CNTNAP2: variants seen among roughly 807,000 people sequenced by gnomAD.
CNTNAP2 encodes contactin-associated protein-like 2.
Under a neutral mutation model 155.2 loss-of-function variants are expected in CNTNAP2, and 98 were observed. The observed-to-expected ratio is 0.63, with a 90% CI of 0.54 to 0.75. The LOEUF (loss-of-function observed/expected upper bound fraction) is 0.75, where lower values mean the gene tolerates loss of function less well. CNTNAP2 is among the 30% of genes least tolerant of loss of function. CNTNAP2 has a pLI of 0.00. For synonymous variants in CNTNAP2, 651 were observed against 631.2 expected (o/e 1.03, Z -0.47); for missense variants, 1,727 against 1,688.1 (o/e 1.02, Z -0.40).
At chr7:146,179,863 T>TA (rs749127530) in intron 1 of CNTNAP2, among the ~76,000 whole-genome samples, 2 of 152,194 alleles carry the variant, frequency 1.3e-5, no homozygotes, top group Non-Finnish European at 2.9e-5. Flanking sequence ...GAAGAAGAGA[T>TA]AAAAAATATT....
chr7:147,727,585 C>A (rs1295248275), intron 13 of CNTNAP2, among the ~76,000 whole-genome samples: 1 of 151,890 alleles, frequency 6.6e-6, no homozygotes, highest in Non-Finnish European at 1.5e-5. Context: ...TATATCCCAT[C>A]ATATTTTATT....
intron 10 of CNTNAP2, among the ~76,000 whole-genome samples, chr7:147,416,814 C>T (rs937909331): frequency 1.3e-5 from 2 of 152,076 alleles, no homozygotes; most frequent in South Asian, 2.1e-4. Flanking sequence ...ATTTTAGAGG[C>T]CGTGTGCAGT....
chr7:146,476,079 G>A (rs1796873384), intron 1 of CNTNAP2, among the ~76,000 whole-genome samples: 1 of 152,174 alleles, frequency 6.6e-6, no homozygotes, highest in Non-Finnish European at 1.5e-5. Context: ...TCACTGAAAT[G>A]TGTTTCCCAT....
chr7:146,953,093 G>A (rs1797356061), intron 3 of CNTNAP2, among the ~76,000 whole-genome samples: 1 of 151,952 alleles, frequency 6.6e-6, no homozygotes. Flanking sequence ...TCTCAAGGCT[G>A]GTCTCAGCAA....
At chr7:148,365,493 C>T (rs750900224) in intron 21 of CNTNAP2, among the ~76,000 whole-genome samples, 7 of 151,966 alleles carry the variant, frequency 4.6e-5, no homozygotes, top group South Asian at 4.2e-4. Flanking sequence ...GATGAAACCG[C>T]GTCTCTACTA....
At chr7:146,442,944 C>A (rs1332179395) in intron 1 of CNTNAP2, among the ~76,000 whole-genome samples, 1 of 151,998 alleles carries the variant, frequency 6.6e-6, no homozygotes, top group East Asian at 1.9e-4. Context: ...CGGTGGCTGA[C>A]GCCTGCAATC....
chr7:146,687,997 G>A (rs1800631995), intron 1 of CNTNAP2, among the ~76,000 whole-genome samples: 1 of 152,148 alleles, frequency 6.6e-6, no homozygotes, highest in African/African-American at 2.4e-5. Flanking sequence ...AGCAAAGAAG[G>A]TGTAGGTGCA....
intron 9 of CNTNAP2, among the ~76,000 whole-genome samples, chr7:147,325,230 G>C (rs530359312): frequency 2.6e-5 from 4 of 152,270 alleles, no homozygotes; most frequent in South Asian, 2.1e-4. Flanking sequence ...AACCCAGGAG[G>C]TGGAGGTTGC....
intron 1 of CNTNAP2, among the ~76,000 whole-genome samples, chr7:146,180,056 A>C (rs1798527952): frequency 6.6e-6 from 1 of 152,178 alleles, no homozygotes. Context: ...TTGCCAAAGC[A>C]CTAAACTCTG....
chr7:147,374,563 C>T (rs548989116), intron 9 of CNTNAP2, among the ~76,000 whole-genome samples: 1 of 152,108 alleles, frequency 6.6e-6, no homozygotes, highest in African/African-American at 2.4e-5. Flanking sequence ...CTGTAAAGTG[C>T]TTTGAAGATG....
chr7:148,025,390 ATCCCCAGTCAATCTGCAGCACCCAT>A (rs1802357838), intron 15 of CNTNAP2, among the ~76,000 whole-genome samples: 1 of 152,138 alleles, frequency 6.6e-6, no homozygotes, highest in Admixed American at 6.5e-5. Flanking sequence ...CTATGATTTA[ATCCCCAGTCAATCTGCAGCACCCAT>A]TCCCCATCCC....
In CNTNAP2 at chr7:146,528,324, T is replaced by C. The variant is rs542988500; in HGVS notation, c.98-245947T>C. Among the ~76,000 whole-genome samples the C allele has an allele frequency of 1.8e-4, 28 of 152,304 alleles. 1 individual carries two copies. In the South Asian group the frequency reaches 5.4e-3, roughly 29 times the overall value. On this transcript the variant is annotated intron_variant, in intron 1 of 23. Coordinates refer to ENST00000361727, the MANE Select transcript of CNTNAP2 (RefSeq NM_014141.6). ...TGGGTTCAATTCCTGTTCTGTGCAC[T>C]GTTCTTTCTTTTATATTGTTAGTTT...
At chr7:146,472,155 T>A (rs1796808757) in intron 1 of CNTNAP2, among the ~76,000 whole-genome samples, 1 of 152,224 alleles carries the variant, frequency 6.6e-6, no homozygotes, top group South Asian at 2.1e-4. Flanking sequence ...CAGGTAGTTC[T>A]GTTTCACAGT....
At chr7:147,357,327 G>A (rs1177344646) in intron 9 of CNTNAP2, among the ~76,000 whole-genome samples, 1 of 152,006 alleles carries the variant, frequency 6.6e-6, no homozygotes, top group Non-Finnish European at 1.5e-5. Context: ...GAGTCCAGCT[G>A]TAGGGCCAGA....
chr7:148,281,835 C>CTTTT lies in CNTNAP2; in HGVS notation c.3475+14725_3475+14728dup, dbSNP rs58086860. ...CATAGCTGGTACTTCACAACGTTTC[C>CTTTT]TTTTTTTTTTTTTTTTTTTGAGACG... On this transcript the variant is annotated intron_variant, in intron 21 of 23. Transcript: ENST00000361727. 7.8e-3 allele frequency among the ~76,000 whole-genome samples: 968 copies of CTTTT among 123,426 alleles called. 27 individuals carry two copies. The highest frequency in any genetic ancestry group is 0.013 in the South Asian group (47 of 3,664). The allele number at this position is 123,426 out of a possible 152,430, so 81.0% of individuals were successfully genotyped here.
chr7:148,341,328 A>G (rs1288339215), intron 21 of CNTNAP2, among the ~76,000 whole-genome samples: 1 of 151,576 alleles, frequency 6.6e-6, no homozygotes, highest in Non-Finnish European at 1.5e-5. Context: ...CCTAGTTCTA[A>G]TCCGTAATAG....
At chr7:147,293,204 C>A (rs1805351363) in intron 8 of CNTNAP2, among the ~76,000 whole-genome samples, 1 of 152,114 alleles carries the variant, frequency 6.6e-6, no homozygotes, top group Admixed American at 6.5e-5. Flanking sequence ...CTCTTTGTAA[C>A]TTTACAATAA....
intron 13 of CNTNAP2, among the ~76,000 whole-genome samples, chr7:147,647,479 C>T (rs1795385352): frequency 6.6e-6 from 1 of 152,144 alleles, no homozygotes; most frequent in Non-Finnish European, 1.5e-5. Flanking sequence ...TTCTACAATT[C>T]TTACCCACGG....
intron 1 of CNTNAP2, among the ~76,000 whole-genome samples, chr7:146,415,467 C>T (rs541821326): frequency 1.2e-4 from 19 of 152,178 alleles, no homozygotes; most frequent in Admixed American, 5.9e-4. Flanking sequence ...AAAAATAGTA[C>T]AGCTAGTAAA....
Sources: gnomAD v4.1 joint callset for allele counts (sites outside exome capture counted in the v4.1 genomes callset) on GRCh38, gnomAD v4.1.1 for gene constraint, MANE v1.5 for transcripts, NCBI Gene and HGNC (gene_info 2026-07-23, HGNC 2026-07-21) for gene names.